Variants in UCN3 observed in about 807,000 individuals in gnomAD.
UCN3 encodes the protein urocortin 3, also known as urocortin-3.
UCN3 carries 3 observed loss-of-function variants against 3.6 expected under a neutral mutation model. The observed-to-expected ratio is 0.83, with a 90% CI of 0.38 to 2.15. The LOEUF (loss-of-function observed/expected upper bound fraction) is 2.15, where lower values mean the gene tolerates loss of function less well. Ranked by LOEUF, UCN3 falls within the 30% of genes most tolerant of loss-of-function variation. UCN3 has a pLI of 0.06. For missense variants in UCN3, 206 were observed against 208.3 expected (o/e 0.99, Z 0.07); for synonymous variants, 100 against 93.2 (o/e 1.07, Z -0.42).
chr10:5,372,558 T>G (rs1183799272), intron 1 of UCN3, among the ~76,000 whole-genome samples: 1 of 152,142 alleles, frequency 6.6e-6, no homozygotes, highest in Non-Finnish European at 1.5e-5. Context: ...GTTTTTTTCT[T>G]TTCTTTTTTT....
intron 1 of UCN3, among the ~76,000 whole-genome samples, chr10:5,368,874 G>A (rs1831292112): frequency 6.6e-6 from 1 of 152,158 alleles, no homozygotes; most frequent in South Asian, 2.1e-4. Flanking sequence ...CTGGAACTCC[G>A]GGGTACAGCT....
At chr10:5,371,546 C>CCATCG (rs1554811576) in intron 1 of UCN3, among the ~76,000 whole-genome samples, 1 of 152,114 alleles carries the variant, frequency 6.6e-6, no homozygotes, top group East Asian at 1.9e-4. Flanking sequence ...CTGGTTCTGT[C>CCATCG]CATCGCTCAC....
chr10:5,373,444 T>C (rs1831456362), intron 1 of UCN3, among the ~76,000 whole-genome samples: 1 of 152,190 alleles, frequency 6.6e-6, no homozygotes, highest in Non-Finnish European at 1.5e-5. Flanking sequence ...GTTCTCACAC[T>C]TCAGTGATCA....
intron 1 of UCN3, among the ~76,000 whole-genome samples, chr10:5,368,095 C>A (rs782051589): frequency 3.3e-5 from 5 of 152,150 alleles, no homozygotes; most frequent in Non-Finnish European, 7.4e-5. Context: ...CCTCCACCTC[C>A]CAGGCTCAAG....
At position 5,373,712 on chromosome 10, in the gene UCN3, C is replaced by T. The variant is rs1831459427; in HGVS notation, c.-6-3C>T. On this transcript the variant is annotated splice_region_variant and splice_polypyrimidine_tract_variant and intron_variant, in intron 1 of 1. Coordinates refer to ENST00000380433, the MANE Select transcript of UCN3 (RefSeq NM_053049.4). ...CTGCCCACATCCCTCTTTTCTGCTG[C>T]AGGGAGAGATGCTGATGCCGGTCCA... 3.1e-6 allele frequency: 5 copies of T among 1,612,318 alleles called. No individual in the cohort carries two copies. Among genetic ancestry groups the T allele is most frequent in the Non-Finnish European group, 4.2e-6 (5 of 1,178,858 alleles).
In UCN3 at chr10:5,367,358, G is replaced by A. The variant is rs536451476; in HGVS notation, c.-7+2128G>A. 8.5e-5 allele frequency among the ~76,000 whole-genome samples: 13 copies of A among 152,256 alleles called. No homozygotes were observed. Among genetic ancestry groups the A allele is most frequent in the Admixed American group, 7.2e-4 (11 of 15,304 alleles). On this transcript the variant is annotated intron_variant, in intron 1 of 1. Coordinates refer to ENST00000380433, the MANE Select transcript of UCN3 (RefSeq NM_053049.4). This position sits in a 1 kb window ranked among gnomAD's most constrained non-coding sequence, Gnocchi z 4.3. ...TAAAAGATTTTTTCCTCTGTGATAC[G>A]TAACAACATGATTTGCAGAGAGAAT...
intron 1 of UCN3, 119 bp from the exon 2 acceptor site, chr10:5,373,596 C>G: frequency 6.8e-7 from 1 of 1,464,944 alleles, no homozygotes; most frequent in Non-Finnish European, 9.1e-7. Flanking sequence ...GTCTGGGGGT[C>G]ATACTTGGAG....
intron 1 of UCN3, among the ~76,000 whole-genome samples, chr10:5,370,144 CGT>C (rs1479002625): frequency 1.2e-4 from 1 of 8,662 alleles, no homozygotes; most frequent in Non-Finnish European, 1.9e-4. Flanking sequence ...TGTGTGTATG[CGT>C]GTGTATATGT....
At chr10:5,370,435 ATGCGTGTGTATG>A (rs1303842995) in intron 1 of UCN3, among the ~76,000 whole-genome samples, 2 of 57,234 alleles carry the variant, frequency 3.5e-5, no homozygotes, top group Admixed American at 2.2e-4. Flanking sequence ...GCGTGTGTAT[ATGCGTGTGTATG>A]TGTGTGTGTA....
chr10:5,373,625 T>C (rs1238188664), intron 1 of UCN3, 90 bp from the exon 2 acceptor site: 6 of 1,520,420 alleles, frequency 3.9e-6, no homozygotes, highest in Non-Finnish European at 4.4e-6. Context: ...TAGTGGAACA[T>C]TAACAACACC....
rs942310124 is a variant in UCN3 at position 5,367,855 on chromosome 10, G to C, written c.-7+2625G>C. The stretch of plus-strand genomic sequence containing the variant: ...GAAGGAAATAGAAAGGAGCAGGGAG[G>C]GGTTCCCTGGGCTGGGGTGCAGGGT... On this transcript the variant is annotated intron_variant, in intron 1 of 1. Coordinates refer to ENST00000380433, the MANE Select transcript of UCN3 (RefSeq NM_053049.4). This position sits in a 1 kb window ranked among gnomAD's most constrained non-coding sequence, Gnocchi z 4.3. Among the ~76,000 whole-genome samples the C allele has an allele frequency of 3.9e-5, 6 of 152,152 alleles. No individual in the cohort carries two copies. The highest frequency in any genetic ancestry group is 2.1e-4 in the South Asian group (1 of 4,828).
In UCN3 at chr10:5,371,436, G is replaced by A. The variant is rs142279049; in HGVS notation, c.-6-2279G>A. Among the ~76,000 whole-genome samples the A allele has an allele frequency of 1.2e-3, 178 of 152,152 alleles. 1 individual carries two copies. The highest frequency in any genetic ancestry group is 4.6e-3 in the South Asian group (22 of 4,826). On this transcript the variant is annotated intron_variant, in intron 1 of 1. Coordinates refer to ENST00000380433, the MANE Select transcript of UCN3 (RefSeq NM_053049.4). ...TGTGTGCTTGTCTATGTTCCTGTGC[G>A]TCCTGTGTGTGTGTCTGTTTCCAGG...
rs1036175304 is a variant in UCN3 at position 5,366,046 on chromosome 10, A to G, written c.-7+816A>G. On this transcript the variant is annotated intron_variant, in intron 1 of 1. Coordinates refer to ENST00000380433, the MANE Select transcript of UCN3 (RefSeq NM_053049.4). The surrounding 1 kb of genome is among the most constrained non-coding windows in gnomAD (Gnocchi z 4.2). ...AAAACGTTTTAAGTGGTCTAGTTTC[A>G]GTTTAACTTCTTATCAGTGTTTGCA... 4.6e-5 allele frequency among the ~76,000 whole-genome samples: 7 copies of G among 152,258 alleles called. No homozygotes were observed. Among genetic ancestry groups the G allele is most frequent in the Non-Finnish European group, 1.0e-4 (7 of 68,044 alleles).
In UCN3 at chr10:5,370,851, G is replaced by GCATGTGTGTA. The variant is rs1339404625; in HGVS notation, c.-6-2863_-6-2862insATGTGTGTAC. The stretch of plus-strand genomic sequence containing the variant: ...CGCGTGTGTGTGCGCGTGTGTGTGC[G>GCATGTGTGTA]CGTGTGTGTGCGTGTGTATGTGTGT... On this transcript the variant is annotated intron_variant, in intron 1 of 1. Transcript: ENST00000380433. Among the ~76,000 whole-genome samples the GCATGTGTGTA allele has an allele frequency of 2.0e-4, 6 of 29,584 alleles. 2 individuals carry two copies. Among genetic ancestry groups the GCATGTGTGTA allele is most frequent in the African/African-American group, 7.8e-4 (6 of 7,702 alleles). 19.4% of individuals were successfully genotyped at this position (29,584 alleles called of 152,430 possible).
chr10:5,370,079 G>A (rs1275650574), intron 1 of UCN3, among the ~76,000 whole-genome samples: 3 of 111,278 alleles, frequency 2.7e-5, no homozygotes, highest in African/African-American at 3.7e-5. Flanking sequence ...GTGTATATGC[G>A]TGTGTATATG....
In UCN3 at chr10:5,367,317, A is replaced by G. The variant is rs535158579; in HGVS notation, c.-7+2087A>G. Among the ~76,000 whole-genome samples, 4 of 152,322 alleles carry G rather than the reference A, an allele frequency of 2.6e-5. No individual in the cohort carries two copies. The South Asian group carries it at 8.3e-4, about 32-fold the overall frequency. ...GATTTCATAATTAAAAAACAAAACC[A>G]AAAAAGTATGCCATATAAAAGATTT... On this transcript the variant is annotated intron_variant, in intron 1 of 1. Coordinates refer to ENST00000380433, the MANE Select transcript of UCN3 (RefSeq NM_053049.4). This position sits in a 1 kb window ranked among gnomAD's most constrained non-coding sequence, Gnocchi z 4.3.
intron 1 of UCN3, among the ~76,000 whole-genome samples, chr10:5,368,343 G>C (rs1588398265): frequency 6.6e-6 from 1 of 152,164 alleles, no homozygotes; most frequent in South Asian, 2.1e-4. Flanking sequence ...CAGAGTCCAG[G>C]CGCCTTTCAT....
chr10:5,373,640 T>C (rs1338701965), intron 1 of UCN3, 75 bp from the exon 2 acceptor site: 7 of 1,542,868 alleles, frequency 4.5e-6, no homozygotes, highest in East Asian at 2.3e-5. Context: ...AACACCCTAG[T>C]AGATTTTAAT....
Position 5,373,927 on chromosome 10 carries a change from G to A in UCN3, c.207G>A (p.Ser69=), listed in dbSNP as rs781880308. The A allele has an allele frequency of 1.9e-5, 30 of 1,612,870 alleles. No homozygotes were observed. The highest frequency in any genetic ancestry group is 3.3e-5 in the South Asian group (3 of 90,936). Residue 69 remains serine, a synonymous_variant, in exon 2 of 2, where the codon TCG becomes TCA. Transcript: ENST00000380433. ...ACCTGCGCAGCAGAGACGCCTCTTC[G>A]GGAGAGGAGGAGGAGGGCAAAGAGA... is the stretch of plus-strand genomic sequence containing the variant. ...FHYLRSRDAS[S]GEEEEGKEKK...
Sources: allele counts gnomAD v4.1 joint callset (sites outside exome capture counted in the v4.1 genomes callset), GRCh38; gene constraint gnomAD v4.1.1; non-coding constraint Gnocchi (gnomAD v3.1); transcripts MANE v1.5; gene names NCBI Gene and HGNC (gene_info 2026-07-23, HGNC 2026-07-21).